Variants in ERBB4 observed in about 807,000 individuals in gnomAD.
ERBB4 encodes the protein receptor tyrosine-protein kinase erbB-4.
A neutral mutation model predicts 158.0 loss-of-function variants in ERBB4; 42 were observed. That is an observed-to-expected ratio of 0.27 (90% CI 0.21 to 0.34). The LOEUF is 0.34. Ranked by LOEUF, ERBB4 falls within the 10% of genes least tolerant of loss-of-function variation. The pLI is 1.00. For synonymous variants in ERBB4, 583 were observed against 558.7 expected, an observed-to-expected ratio of 1.04 and a Z score of -0.61; for missense variants, 1,333 against 1,624.1, an observed-to-expected ratio of 0.82 and a Z score of 3.08.
At chr2:211,948,158 C>T (rs981702731) in intron 2 of ERBB4, among the ~76,000 whole-genome samples, 3 of 151,966 alleles carry the variant, frequency 2.0e-5, no homozygotes, top group South Asian at 2.1e-4. Context: ...TTGTTGTGGC[C>T]GGGCATGGTG....
intron 20 of ERBB4, among the ~76,000 whole-genome samples, chr2:211,503,181 G>C (rs2065658499): frequency 6.6e-6 from 1 of 152,084 alleles, no homozygotes; most frequent in South Asian, 2.1e-4. Flanking sequence ...AGAATACAGA[G>C]AGACCGTTTA....
At chr2:212,228,906 A>G (rs778809684) in intron 1 of ERBB4, among the ~76,000 whole-genome samples, 21 of 152,216 alleles carry the variant, frequency 1.4e-4, no homozygotes, top group Non-Finnish European at 2.9e-4. Context: ...CAGCTAGGCT[A>G]AAAATTTATG....
intron 1 of ERBB4, among the ~76,000 whole-genome samples, chr2:212,383,999 A>C (rs569315532): frequency 6.6e-6 from 1 of 151,704 alleles, no homozygotes; most frequent in South Asian, 2.1e-4. Flanking sequence ...GAATTTTTAT[A>C]AATATTACTC....
intron 6 of ERBB4, 66 bp from the exon 7 acceptor site, chr2:211,722,600 C>A (rs2106123058): frequency 1.4e-6 from 2 of 1,469,580 alleles, no homozygotes; most frequent in Non-Finnish European, 1.9e-6. Flanking sequence ...TGAAACGCTG[C>A]CAAAACAGGA....
chr2:212,249,627 T>C (rs1026648515), intron 1 of ERBB4, among the ~76,000 whole-genome samples: 6 of 151,868 alleles, frequency 4.0e-5, no homozygotes, highest in African/African-American at 1.4e-4. Flanking sequence ...CAGAGAAAAG[T>C]TACTGAGCTG....
At chr2:211,741,003 T>C (rs967122222) in intron 5 of ERBB4, among the ~76,000 whole-genome samples, 22 of 152,234 alleles carry the variant, frequency 1.4e-4, no homozygotes, top group African/African-American at 4.8e-4. Flanking sequence ...AGAATATCTT[T>C]CTTCATGCTT....
intron 1 of ERBB4, among the ~76,000 whole-genome samples, chr2:212,491,392 T>A (rs186392084): frequency 6.6e-6 from 1 of 151,746 alleles, no homozygotes; most frequent in African/African-American, 2.4e-5. Flanking sequence ...ATCCCCACCA[T>A]TTTGAAGGCA....
intron 20 of ERBB4, among the ~76,000 whole-genome samples, chr2:211,523,257 G>C (rs1404380932): frequency 1.4e-5 from 2 of 143,598 alleles, no homozygotes; most frequent in African/African-American, 5.2e-5. Context: ...CACTGAAGAG[G>C]AAAAACAGCC....
chr2:212,444,471 G>A (rs2092311851), intron 1 of ERBB4, among the ~76,000 whole-genome samples: 1 of 152,192 alleles, frequency 6.6e-6, no homozygotes. Flanking sequence ...GAAATCTGGG[G>A]AAGAGGTATG....
At chr2:211,463,527 G>T (rs995577008) in intron 20 of ERBB4, among the ~76,000 whole-genome samples, 1 of 152,142 alleles carries the variant, frequency 6.6e-6, no homozygotes, top group African/African-American at 2.4e-5. Context: ...TAAAATTGGG[G>T]CTGATTATCT....
chr2:212,497,340 T>G (rs1459292568), intron 1 of ERBB4, among the ~76,000 whole-genome samples: 1 of 152,198 alleles, frequency 6.6e-6, no homozygotes, highest in East Asian at 1.9e-4. Flanking sequence ...GTGTGATCTT[T>G]CTATTTGAAA....
At chr2:211,768,422 G>C (rs2075610183) in intron 4 of ERBB4, among the ~76,000 whole-genome samples, 1 of 152,242 alleles carries the variant, frequency 6.6e-6, no homozygotes, top group Non-Finnish European at 1.5e-5. Flanking sequence ...TAGGGACTCT[G>C]TGTGGGGGCT....
intron 2 of ERBB4, among the ~76,000 whole-genome samples, chr2:211,977,790 T>G (rs1288790975): frequency 6.9e-6 from 1 of 145,630 alleles, no homozygotes; most frequent in Non-Finnish European, 1.5e-5. Flanking sequence ...AGGCGGAGGT[T>G]GCACTGAGCC....
At chr2:212,511,543 A>G (rs2106280360) in intron 1 of ERBB4, among the ~76,000 whole-genome samples, 1 of 152,298 alleles carries the variant, frequency 6.6e-6, no homozygotes, top group African/African-American at 2.4e-5. Flanking sequence ...TAGGTAACCT[A>G]CCAGTCTTCA....
chr2:211,484,588 A>C (rs1317237594), intron 20 of ERBB4, among the ~76,000 whole-genome samples: 1 of 152,204 alleles, frequency 6.6e-6, no homozygotes, highest in African/African-American at 2.4e-5. Flanking sequence ...TAGATTTCAG[A>C]GCAAAAAATA....
intron 1 of ERBB4, among the ~76,000 whole-genome samples, chr2:212,267,899 A>G (rs2085207513): frequency 6.6e-6 from 1 of 151,840 alleles, no homozygotes; most frequent in Non-Finnish European, 1.5e-5. Flanking sequence ...TCTATTTATC[A>G]TATTAGGTAA....
chr2:212,188,932 G>A (rs1405725411), intron 1 of ERBB4, among the ~76,000 whole-genome samples: 1 of 151,960 alleles, frequency 6.6e-6, no homozygotes, highest in South Asian at 2.1e-4. Flanking sequence ...CATTCATTAA[G>A]AGCTAAAAAT....
intron 1 of ERBB4, among the ~76,000 whole-genome samples, chr2:212,370,672 T>C (rs553985050): frequency 9.2e-5 from 14 of 152,288 alleles, no homozygotes; most frequent in African/African-American, 3.4e-4. Flanking sequence ...TATCTTCTTA[T>C]TCTCAAATCC....
At chr2:211,537,712 T>C (rs2066693747) in intron 20 of ERBB4, among the ~76,000 whole-genome samples, 1 of 152,056 alleles carries the variant, frequency 6.6e-6, no homozygotes, top group South Asian at 2.1e-4. Context: ...TTTTAGTAAG[T>C]TTTAAAACTT....
Sources: gnomAD v4.1 joint callset for allele counts (sites outside exome capture counted in the v4.1 genomes callset) on GRCh38, gnomAD v4.1.1 for gene constraint, MANE v1.5 for transcripts, NCBI Gene and HGNC (gene_info 2026-07-23, HGNC 2026-07-21) for gene names.